Variants in MGMT observed in about 807,000 individuals in gnomAD.
The protein encoded by MGMT is methylated-DNA--protein-cysteine methyltransferase.
In MGMT, 14 loss-of-function variants were observed where a neutral mutation model predicts 15.9. That is an observed-to-expected ratio of 0.88 (90% CI 0.58 to 1.37). The LOEUF (loss-of-function observed/expected upper bound fraction) is 1.37. Ranked by LOEUF, MGMT falls within the 40% of genes most tolerant of loss-of-function variation. MGMT has a pLI of 0.00. For missense variants in MGMT, 282 were observed against 268.1 expected, an observed-to-expected ratio of 1.05 and a Z score of -0.36; for synonymous variants, 130 against 118.2, an observed-to-expected ratio of 1.10 and a Z score of -0.65.
chr10:129,588,186 T>G (rs1456279650), intron 2 of MGMT, among the ~76,000 whole-genome samples: 4 of 152,204 alleles, frequency 2.6e-5, no homozygotes, highest in Non-Finnish European at 5.9e-5. Context: ...AAATGAATTC[T>G]GTCAATACAT....
chr10:129,590,705 T>A lies in MGMT; in HGVS notation c.125+54328T>A, dbSNP rs376410461. On this transcript the variant is annotated intron_variant, in intron 2 of 4. Coordinates refer to ENST00000651593, the MANE Select transcript of MGMT (RefSeq NM_002412.5). ...AAAATTCTGATATCAGCATTTAAGA[T>A]CCAGCAAGATAGGGTATACGGGCAT... Among the ~76,000 whole-genome samples, 67 of 152,328 alleles carry A rather than the reference T, an allele frequency of 4.4e-4. 2 individuals carry two copies. The South Asian group carries it at 0.014, about 32-fold the overall frequency.
chr10:129,666,195 C>T (rs553543322), intron 2 of MGMT, among the ~76,000 whole-genome samples: 4 of 152,122 alleles, frequency 2.6e-5, no homozygotes, highest in African/African-American at 4.8e-5. Context: ...GCAAGTTTAA[C>T]GTTATTTGAA....
intron 1 of MGMT, among the ~76,000 whole-genome samples, chr10:129,523,974 C>T (rs756029916): frequency 6.6e-6 from 1 of 152,192 alleles, no homozygotes; most frequent in Admixed American, 6.5e-5. Flanking sequence ...TGCCAGGTGC[C>T]TTGGAGGTAG....
chr10:129,517,619 C>T (rs1312122670), intron 1 of MGMT, among the ~76,000 whole-genome samples: 3 of 152,166 alleles, frequency 2.0e-5, no homozygotes, highest in Admixed American at 2.0e-4. Flanking sequence ...CTCATGAGGC[C>T]GTATGTCGCA....
intron 2 of MGMT, among the ~76,000 whole-genome samples, chr10:129,580,192 C>A: frequency 6.6e-6 from 1 of 152,074 alleles, no homozygotes; most frequent in East Asian, 1.9e-4. Context: ...CAGGTGGCAT[C>A]GTGGGAGAAG....
intron 2 of MGMT, among the ~76,000 whole-genome samples, chr10:129,555,656 A>T (rs1846205211): frequency 6.6e-6 from 1 of 152,162 alleles, no homozygotes; most frequent in Non-Finnish European, 1.5e-5. Flanking sequence ...TCAGAGCTGC[A>T]GTGAGCTGTG....
intron 3 of MGMT, among the ~76,000 whole-genome samples, chr10:129,754,710 A>G (rs1848786226): frequency 6.6e-6 from 1 of 152,216 alleles, no homozygotes; most frequent in South Asian, 2.1e-4. Flanking sequence ...CCGTGGTGGA[A>G]GGCATTCCAT....
At chr10:129,736,447 G>C (rs1257082911) in intron 3 of MGMT, among the ~76,000 whole-genome samples, 1 of 148,026 alleles carries the variant, frequency 6.8e-6, no homozygotes, top group African/African-American at 2.5e-5. Flanking sequence ...TTTTGAGCCT[G>C]TGTGTGTCTC....
intron 2 of MGMT, among the ~76,000 whole-genome samples, chr10:129,580,845 A>C (rs1386054422): frequency 6.6e-6 from 1 of 152,224 alleles, no homozygotes; most frequent in African/African-American, 2.4e-5. Context: ...TCTTTGTTGC[A>C]AACATCGTTT....
At chr10:129,520,796 C>T (rs1217656224) in intron 1 of MGMT, among the ~76,000 whole-genome samples, 45 of 144,724 alleles carry the variant, frequency 3.1e-4, no homozygotes, top group African/African-American at 1.1e-3. Context: ...CCCTATGGTG[C>T]GGGTGCAGAG....
chr10:129,653,506 C>G (rs555032899), intron 2 of MGMT, among the ~76,000 whole-genome samples: 11 of 152,334 alleles, frequency 7.2e-5, no homozygotes, highest in African/African-American at 2.6e-4. Flanking sequence ...GCCCCCAGGC[C>G]GAGGTGCTGC....
chr10:129,499,373 A>G (rs769114973), intron 1 of MGMT, among the ~76,000 whole-genome samples: 2 of 152,254 alleles, frequency 1.3e-5, no homozygotes, highest in Non-Finnish European at 2.9e-5. Flanking sequence ...AACTGATGGC[A>G]TGTTTCCAAA....
At chr10:129,483,510 C>T (rs1207976995) in intron 1 of MGMT, among the ~76,000 whole-genome samples, 2 of 152,102 alleles carry the variant, frequency 1.3e-5, no homozygotes, top group Non-Finnish European at 2.9e-5. Flanking sequence ...GTCTCACCTG[C>T]ATTCTTGAAA....
At chr10:129,759,476 G>A (rs1200434896) in intron 4 of MGMT, 135 bp downstream of exon 4, 8 of 1,340,608 alleles carry the variant, frequency 6.0e-6, no homozygotes, top group Non-Finnish European at 8.3e-6. Context: ...TCTGTGATGG[G>A]GACCATTATG....
intron 1 of MGMT, among the ~76,000 whole-genome samples, chr10:129,474,018 G>A (rs1026755900): frequency 8.5e-5 from 13 of 152,220 alleles, no homozygotes; most frequent in African/African-American, 3.1e-4. Context: ...TGTGGCTACC[G>A]GTCAGGTTTC....
intron 2 of MGMT, among the ~76,000 whole-genome samples, chr10:129,650,559 C>G (rs1347001165): frequency 1.3e-5 from 2 of 152,114 alleles, no homozygotes; most frequent in Non-Finnish European, 2.9e-5. Flanking sequence ...TCCTTTTGTT[C>G]TTTTTGCGAG....
intron 2 of MGMT, among the ~76,000 whole-genome samples, chr10:129,634,136 G>T (rs745782598): frequency 1.3e-5 from 2 of 152,056 alleles, no homozygotes; most frequent in African/African-American, 4.8e-5. Flanking sequence ...AGATTGACAG[G>T]GTTTTTTTCC....
chr10:129,497,992 A>T (rs1845539771), intron 1 of MGMT, among the ~76,000 whole-genome samples: 1 of 152,246 alleles, frequency 6.6e-6, no homozygotes, highest in African/African-American at 2.4e-5. Context: ...TATTCCAGCA[A>T]CCAGAAGGAA....
intron 1 of MGMT, among the ~76,000 whole-genome samples, chr10:129,528,378 G>A (rs1845893291): frequency 6.6e-6 from 1 of 151,834 alleles, no homozygotes. Context: ...CGGTGGTGTA[G>A]TTGTGCTTCT....
Sources: gnomAD v4.1 joint callset for allele counts (sites outside exome capture counted in the v4.1 genomes callset) on GRCh38, gnomAD v4.1.1 for gene constraint, MANE v1.5 for transcripts, NCBI Gene and HGNC (gene_info 2026-07-23, HGNC 2026-07-21) for gene names.